Variants in NBPF3 observed in about 807,000 individuals in gnomAD.
The protein encoded by NBPF3 is NBPF member 3, also known as NBPF family member NBPF3.
In NBPF3, 57 loss-of-function variants were observed where a neutral mutation model predicts 78.1. The observed-to-expected ratio is 0.73, with a 90% CI of 0.59 to 0.91. The LOEUF (loss-of-function observed/expected upper bound fraction) is 0.91, where lower values mean the gene tolerates loss of function less well. NBPF3 is among the 40% of genes least tolerant of loss of function. NBPF3 has a pLI of 0.00. For synonymous variants in NBPF3, 182 were observed against 271.7 expected (o/e 0.67, Z 3.25); for missense variants, 510 against 715.3 (o/e 0.71, Z 3.27).
chr1:21,446,495 C>CCTTCCT (rs1640986267), intron 2 of NBPF3: 2 of 74,578 alleles, frequency 2.7e-5, no homozygotes, highest in Non-Finnish European at 6.3e-5. Flanking sequence ...CCTTCCTTCC[C>CCTTCCT]TACTTCCCTC....
intron 5 of NBPF3, 129 bp from the exon 6 acceptor site, chr1:21,472,714 A>G: frequency 1.3e-6 from 1 of 763,824 alleles, no homozygotes; most frequent in Non-Finnish European, 2.3e-6. Context: ...TTTGTTAACG[A>G]TAAAACATGA....
intron 2 of NBPF3, among the ~76,000 whole-genome samples, chr1:21,459,045 GCGGGTAC>G (rs1040297771): frequency 2.0e-5 from 3 of 152,122 alleles, no homozygotes; most frequent in Non-Finnish European, 4.4e-5. Flanking sequence ...ATGCAATGAA[GCGGGTAC>G]AAGGCCCGTA....
Position 21,476,029 on chromosome 1 carries a change from G to A in NBPF3, c.992+1078G>A, listed in dbSNP as rs948405565. On this transcript the variant is annotated intron_variant, in intron 8 of 14. Coordinates refer to ENST00000318249, the MANE Select transcript of NBPF3 (RefSeq NM_032264.6). This position sits in a 1 kb window ranked among gnomAD's most constrained non-coding sequence, Gnocchi z 4.1. ...TTGATCCCTTTGCAATTATGTAATGGCCTTCTTTGTCTCTTTTGATCTTTC... is the reference window on the plus strand; with the variant it reads ...TTGATCCCTTTGCAATTATGTAATGACCTTCTTTGTCTCTTTTGATCTTTC... 2.0e-5 allele frequency among the ~76,000 whole-genome samples: 3 copies of A among 152,050 alleles called. No homozygotes were observed. Among genetic ancestry groups the A allele is most frequent in the African/African-American group, 7.2e-5 (3 of 41,412 alleles).
At position 21,470,663 on chromosome 1, in the gene NBPF3, T is replaced by A; in HGVS notation, c.375T>A (p.Ser125=). The change falls in exon 4 of 15, where the codon TCT becomes TCA. Residue 125 remains serine (S), a synonymous_variant. Transcript: ENST00000318249. ...AAGACTGCAAAGACCTCATAAAATCTATGCTGAGGGATGAGCGGCTGCTCA... is the reference window on the plus strand; with the variant it reads ...AAGACTGCAAAGACCTCATAAAATCAATGCTGAGGGATGAGCGGCTGCTCA... ...DYEDCKDLIK[S]MLRDERLLTE... 1 of 1,600,048 alleles carries A rather than the reference T, an allele frequency of 6.2e-7. No homozygotes were observed. The highest frequency in any genetic ancestry group is 1.1e-5 in the South Asian group (1 of 90,898).
At position 21,474,828 on chromosome 1, in the gene NBPF3, C is replaced by T. The variant is rs1642804033; in HGVS notation, c.941-72C>T. On this transcript the variant is annotated intron_variant, in intron 7 of 14. Coordinates refer to ENST00000318249, the MANE Select transcript of NBPF3 (RefSeq NM_032264.6). Reference sequence around the variant, plus strand: ...GAATAGTTATGTCCTTGTCCTATGACTGGACACTGATTTGGTCATATGTGG... The same window carrying T: ...GAATAGTTATGTCCTTGTCCTATGATTGGACACTGATTTGGTCATATGTGG... The T allele has an allele frequency of 1.0e-5, 14 of 1,352,678 alleles. No individual in the cohort carries two copies. In the South Asian group the frequency reaches 1.5e-4, roughly 15 times the overall value. The allele number at this position is 1,352,678 out of a possible 1,614,324, so 83.8% of individuals were successfully genotyped here.
Position 21,476,483 on chromosome 1 carries a change from ACCTCTCAG to A in NBPF3, c.992+1534_992+1541del, listed in dbSNP as rs1248618825. The stretch of plus-strand genomic sequence containing the variant: ...GCAAGGCAGGCCTGGTGGTGACAAA[ACCTCTCAG>A]CATTTGCTTGTCTGTAAAGGATTTT... On this transcript the variant is annotated intron_variant, in intron 8 of 14. Transcript: ENST00000318249. The surrounding 1 kb of genome is among the most constrained non-coding windows in gnomAD (Gnocchi z 4.1). Among the ~76,000 whole-genome samples, 3 of 152,014 alleles carry A rather than the reference ACCTCTCAG, an allele frequency of 2.0e-5. No individual in the cohort carries two copies. The highest frequency in any genetic ancestry group is 4.4e-5 in the Non-Finnish European group (3 of 68,002).
At chr1:21,470,860 C>T in intron 4 of NBPF3, 126 bp downstream of exon 4, 1 of 580,314 alleles carries the variant, frequency 1.7e-6, no homozygotes, top group East Asian at 3.2e-5. Flanking sequence ...ATGGCAGGCT[C>T]ACGACACACA....
chr1:21,476,100 C>T lies in NBPF3; in HGVS notation c.992+1149C>T, dbSNP rs147701921. Among the ~76,000 whole-genome samples, 15 of 151,574 alleles carry T rather than the reference C, an allele frequency of 9.9e-5. No homozygotes were observed. Among genetic ancestry groups the T allele is most frequent in the African/African-American group, 3.1e-4 (13 of 41,324 alleles). ...TCAAAGACTAGGATTGCAACCCCTG[C>T]TTTTTTTTGCTCTCCATTTGCTTGG... On this transcript the variant is annotated intron_variant, in intron 8 of 14. Coordinates refer to ENST00000318249, the MANE Select transcript of NBPF3 (RefSeq NM_032264.6). This position sits in a 1 kb window ranked among gnomAD's most constrained non-coding sequence, Gnocchi z 4.1.
At chr1:21,471,475 T>C in intron 4 of NBPF3, 94 bp from the exon 5 acceptor site, 1 of 1,590,894 alleles carries the variant, frequency 6.3e-7, no homozygotes, top group East Asian at 2.2e-5. Flanking sequence ...GAGGTCTCCT[T>C]GAGGACATTG....
intron 2 of NBPF3, among the ~76,000 whole-genome samples, chr1:21,455,928 A>T (rs1641575685): frequency 1.3e-5 from 2 of 152,200 alleles, no homozygotes; most frequent in African/African-American, 4.8e-5. Flanking sequence ...GGAAGAACTC[A>T]TGCACACCTC....
upstream of NBPF3, chr1:21,437,542 A>C: frequency 7.6e-7 from 1 of 1,323,622 alleles, no homozygotes; most frequent in East Asian, 2.7e-5. Flanking sequence ...GGTGCTGGGG[A>C]GGTCTGAGCT....
chr1:21,456,721 C>T (rs949014625), intron 2 of NBPF3, among the ~76,000 whole-genome samples: 11 of 151,982 alleles, frequency 7.2e-5, no homozygotes, highest in South Asian at 4.2e-4. Flanking sequence ...ACTTCCAACC[C>T]TATTAAGGGT....
chr1:21,441,398 A>G (rs191548044), intron 1 of NBPF3, among the ~76,000 whole-genome samples: 1 of 152,190 alleles, frequency 6.6e-6, no homozygotes, highest in Non-Finnish European at 1.5e-5. Context: ...TATACAGAAG[A>G]AGTTCACAAT....
At chr1:21,456,256 C>T (rs934793481) in intron 2 of NBPF3, among the ~76,000 whole-genome samples, 47 of 152,144 alleles carry the variant, frequency 3.1e-4, no homozygotes, top group African/African-American at 1.1e-3. Flanking sequence ...TTAGCCAAGT[C>T]GACATTTAAG....
intron 2 of NBPF3, among the ~76,000 whole-genome samples, chr1:21,465,531 G>A (rs1642212319): frequency 1.3e-5 from 2 of 152,226 alleles, no homozygotes; most frequent in South Asian, 4.1e-4. Flanking sequence ...AGTCTCTGAA[G>A]CAGAGGAGAA....
In NBPF3 at chr1:21,484,828, A is replaced by C. The variant is rs1219983072; in HGVS notation, c.*1442A>C. On this transcript the variant is annotated 3_prime_UTR_variant, in exon 15 of 15. Coordinates refer to ENST00000318249, the MANE Select transcript of NBPF3 (RefSeq NM_032264.6). Reference sequence around the variant, plus strand: ...GCTAGTGTGTGTTGTTGAAAAAAAAACATTCTCTGCCTGAGTTTTAATTTT... The same window carrying C: ...GCTAGTGTGTGTTGTTGAAAAAAAACCATTCTCTGCCTGAGTTTTAATTTT... The C allele has an allele frequency of 3.5e-5, 2 of 57,310 alleles. No individual in the cohort carries two copies. The highest frequency in any genetic ancestry group is 9.2e-5 in the African/African-American group (2 of 21,722). 3.6% of individuals were successfully genotyped at this position (57,310 alleles called of 1,614,324 possible).
At chr1:21,442,703 G>A in intron 1 of NBPF3, among the ~76,000 whole-genome samples, 1 of 149,534 alleles carries the variant, frequency 6.7e-6, no homozygotes, top group East Asian at 2.0e-4. Context: ...TCACTCTATT[G>A]CCCAGGCTAG....
intron 1 of NBPF3, among the ~76,000 whole-genome samples, chr1:21,442,028 C>T (rs1046070878): frequency 6.6e-6 from 1 of 152,116 alleles, no homozygotes; most frequent in Non-Finnish European, 1.5e-5. Context: ...TATGTGTCTT[C>T]TTTTGTGACA....
In NBPF3 at chr1:21,440,232, T is replaced by C. The variant is rs1389631891; in HGVS notation, c.-256T>C. 1 of 149,840 alleles carries C rather than the reference T, an allele frequency of 6.7e-6. No homozygotes were observed. Among genetic ancestry groups the C allele is most frequent in the Non-Finnish European group, 1.5e-5 (1 of 66,784 alleles). The allele number at this position is 149,840 out of a possible 1,614,324, so 9.3% of individuals were successfully genotyped here. A position where few individuals can be genotyped will look rare whatever the true frequency, so the allele number is the denominator to read the frequency against. On this transcript the variant is annotated 5_prime_UTR_variant, in exon 1 of 15. Coordinates refer to ENST00000318249, the MANE Select transcript of NBPF3 (RefSeq NM_032264.6). ...GAGTGAGCTTCTGCGCGCGGTGCTTTTGGGAACGCGGGACTGGCAACCTGC... is the reference window on the plus strand; with the variant it reads ...GAGTGAGCTTCTGCGCGCGGTGCTTCTGGGAACGCGGGACTGGCAACCTGC...
Sources: gnomAD v4.1 joint callset for allele counts (sites outside exome capture counted in the v4.1 genomes callset) on GRCh38, gnomAD v4.1.1 for gene constraint, Gnocchi (gnomAD v3.1) non-coding constraint, MANE v1.5 for transcripts, NCBI Gene and HGNC (gene_info 2026-07-23, HGNC 2026-07-21) for gene names.